IGSF3: variants seen among roughly 807,000 people sequenced by gnomAD.
The protein encoded by IGSF3 is glu-Trp-Ile EWI motif-containing protein 3.
In IGSF3, 23 loss-of-function variants were observed where a neutral mutation model predicts 114.4. The observed-to-expected ratio is 0.20, with a 90% CI of 0.14 to 0.28. The LOEUF (loss-of-function observed/expected upper bound fraction) is 0.28. IGSF3 is among the 10% of genes least tolerant of loss of function. The pLI, the probability that IGSF3 is intolerant of heterozygous loss-of-function variation, is 1.00. For synonymous variants in IGSF3, 571 were observed against 645.2 expected, an observed-to-expected ratio of 0.88 and a Z score of 1.74; for missense variants, 1,172 against 1,591.5, an observed-to-expected ratio of 0.74 and a Z score of 4.48.
At chr1:116,623,864 T>A (rs1457288258) in intron 2 of IGSF3, among the ~76,000 whole-genome samples, 3 of 150,764 alleles carry the variant, frequency 2.0e-5, no homozygotes, top group Non-Finnish European at 4.4e-5. Context: ...GGCAGGTGGA[T>A]CACCTGAGGT....
At position 116,666,790 on chromosome 1, in the gene IGSF3, C is replaced by G. The variant is rs2101096920; in HGVS notation, c.-464G>C. The G allele has an allele frequency of 2.4e-6, 1 of 413,250 alleles. No individual in the cohort carries two copies. The highest frequency in any genetic ancestry group is 4.3e-6 in the Non-Finnish European group (1 of 234,576). The allele number at this position is 413,250 out of a possible 1,614,324, so 25.6% of individuals were successfully genotyped here. ...AGGTTTCGTCAAAACCTTTGACGGC[C>G]AAATCACCCTGCCTGGCATCAACCG... On this transcript the variant is annotated 5_prime_UTR_variant, in exon 2 of 11. Transcript: ENST00000369486.
rs542854542 is a variant in IGSF3 at position 116,636,062 on chromosome 1, C to T, written c.44-19605G>A. Among the ~76,000 whole-genome samples, 2 of 152,296 alleles carry T rather than the reference C, an allele frequency of 1.3e-5. No individual in the cohort carries two copies. Among genetic ancestry groups the T allele is most frequent in the African/African-American group, 4.8e-5 (2 of 41,588 alleles). On this transcript the variant is annotated intron_variant, in intron 2 of 10. Transcript: ENST00000369486. This position sits in a 1 kb window ranked among gnomAD's most constrained non-coding sequence, Gnocchi z 4.5. The stretch of plus-strand genomic sequence containing the variant: ...CCCTTTCCCAGTACACCTCCACTCG[C>T]CAGAACAACTGTCTTCCTCACAGGT...
rs1660245278 is a variant in IGSF3 at position 116,594,235 on chromosome 1, G to A, written c.2030-5131C>T. 6.6e-6 allele frequency among the ~76,000 whole-genome samples: 1 copy of A among 152,152 alleles called. No homozygotes were observed. The highest frequency in any genetic ancestry group is 2.1e-4 in the South Asian group (1 of 4,824). On this transcript the variant is annotated intron_variant, in intron 7 of 10. Transcript: ENST00000369486. This position sits in a 1 kb window ranked among gnomAD's most constrained non-coding sequence, Gnocchi z 5.2. ...CTGTGCCTCCTAGCATAGCTGTCCTGAGCATTTACGCACTGAAACTCATTA... is the reference window on the plus strand; with the variant it reads ...CTGTGCCTCCTAGCATAGCTGTCCTAAGCATTTACGCACTGAAACTCATTA...
chr1:116,654,639 C>T lies in IGSF3; in HGVS notation c.43+11645G>A, dbSNP rs1335233475. ...GGCCTTATACTCACCACCCCCCATA[C>T]GAGGCTCCTCTGGTATGGACGGTGT... On this transcript the variant is annotated intron_variant, in intron 2 of 10. Coordinates refer to ENST00000369486, the MANE Select transcript of IGSF3 (RefSeq NM_001007237.3). This position sits in a 1 kb window ranked among gnomAD's most constrained non-coding sequence, Gnocchi z 4.4. Among the ~76,000 whole-genome samples, 1 of 152,132 alleles carries T rather than the reference C, an allele frequency of 6.6e-6. No homozygotes were observed. The highest frequency in any genetic ancestry group is 1.5e-5 in the Non-Finnish European group (1 of 68,024).
At chr1:116,580,641 A>ACCAGAACATGGTCAGG (rs1468576887) in intron 9 of IGSF3, among the ~76,000 whole-genome samples, 1 of 152,392 alleles carries the variant, frequency 6.6e-6, no homozygotes, top group East Asian at 1.9e-4. Flanking sequence ...ACCAGAACTT[A>ACCAGAACATGGTCAGG]GCCATGCTGG....
At position 116,579,634 on chromosome 1, in the gene IGSF3, G is replaced by A. The variant is rs144841551; in HGVS notation, c.3092C>T (p.Thr1031Met). 2.4e-5 allele frequency: 38 copies of A among 1,613,460 alleles called. No individual in the cohort carries two copies. The African/African-American group carries it at 3.3e-4, about 14-fold the overall frequency. Residue 1031 changes from threonine (T) to methionine (M), a missense_variant, in exon 10 of 11, where the codon ACG (threonine) becomes ATG (methionine). By Grantham distance (81) the Thr-to-Met change is moderately conservative. Around this residue, in one of 3 missense-constraint regions of IGSF3, gnomAD observed 423 missense variants for 509.8 expected, o/e 0.83. Coordinates refer to ENST00000369486, the MANE Select transcript of IGSF3 (RefSeq NM_001007237.3). The surrounding 1 kb of genome is among the most constrained non-coding windows in gnomAD (Gnocchi z 6.4). ...ATCTGGGCCCACGCTCAGCAGGGCC[G>A]TCCGCTCTGTTGGGTCGTCGTCGTC... is the stretch of plus-strand genomic sequence containing the variant. The part of the protein sequence containing the change: ...DDDDDDPTER[T>M]ALLSVGPDAV...
Position 116,654,579 on chromosome 1 carries a change from G to A in IGSF3, c.43+11705C>T, listed in dbSNP as rs1468204402. Among the ~76,000 whole-genome samples, 2 of 152,174 alleles carry A rather than the reference G, an allele frequency of 1.3e-5. No homozygotes were observed. The highest frequency in any genetic ancestry group is 2.9e-5 in the Non-Finnish European group (2 of 68,020). Reference sequence around the variant, plus strand: ...AGGGCGCCCTCAGGGAGGCCACACTGCAGGAGGCAAAGTATGAGGTGGGGA... The same window carrying A: ...AGGGCGCCCTCAGGGAGGCCACACTACAGGAGGCAAAGTATGAGGTGGGGA... On this transcript the variant is annotated intron_variant, in intron 2 of 10. Coordinates refer to ENST00000369486, the MANE Select transcript of IGSF3 (RefSeq NM_001007237.3). The surrounding 1 kb of genome is among the most constrained non-coding windows in gnomAD (Gnocchi z 4.4).
chr1:116,611,231 C>T (rs1422731903), intron 4 of IGSF3, among the ~76,000 whole-genome samples: 1 of 152,220 alleles, frequency 6.6e-6, no homozygotes. Context: ...TCTACCTCCT[C>T]TCCAACTGTC....
chr1:116,631,977 C>G (rs562332007), intron 2 of IGSF3, among the ~76,000 whole-genome samples: 1 of 152,292 alleles, frequency 6.6e-6, no homozygotes, highest in Non-Finnish European at 1.5e-5. Flanking sequence ...CCTATAACTC[C>G]CAAATAAGCT....
At position 116,603,965 on chromosome 1, in the gene IGSF3, A is replaced by T; in HGVS notation, c.1283T>A (p.Leu428Gln). The change falls in exon 6 of 11, where the codon CTG becomes CAG. Residue 428 changes from leucine to glutamine, a missense_variant. By Grantham distance (113) the Leu-to-Gln change is moderately radical. Around this residue, in one of 3 missense-constraint regions of IGSF3, gnomAD observed 736 missense variants for 1,042.0 expected, o/e 0.71. Coordinates refer to ENST00000369486, the MANE Select transcript of IGSF3 (RefSeq NM_001007237.3). This position sits in a 1 kb window ranked among gnomAD's most constrained non-coding sequence, Gnocchi z 7.1. ...CGTGCGGACACTGCAGGAGAAGCGCAGGTCCTCGCCCTCAAGGATGACGCT... is the reference window on the plus strand; with the variant it reads ...CGTGCGGACACTGCAGGAGAAGCGCTGGTCCTCGCCCTCAAGGATGACGCT... ...NASVILEGED[L>Q]RFSCSVRTAG... 1 of 1,613,240 alleles carries T rather than the reference A, an allele frequency of 6.2e-7. No individual in the cohort carries two copies.
intron 2 of IGSF3, among the ~76,000 whole-genome samples, chr1:116,619,719 CCT>C (rs1486187002): frequency 6.6e-6 from 1 of 152,050 alleles, no homozygotes; most frequent in African/African-American, 2.4e-5. Context: ...ACCCACAGCC[CCT>C]CTCTCTCCCC....
rs563010322 is a variant in IGSF3, at chr1:116,662,709, A to C, written c.43+3575T>G. Among the ~76,000 whole-genome samples, 1 of 152,084 alleles carries C rather than the reference A, an allele frequency of 6.6e-6. No homozygotes were observed. The highest frequency in any genetic ancestry group is 2.1e-4 in the South Asian group (1 of 4,814). On this transcript the variant is annotated intron_variant, in intron 2 of 10. Transcript: ENST00000369486. This position sits in a 1 kb window ranked among gnomAD's most constrained non-coding sequence, Gnocchi z 4.3. ...TGTCAAATGGTCCCCAGGAAAGGGAAGTGCACTACCTCTGGGACAACTATT... is the reference window on the plus strand; with the variant it reads ...TGTCAAATGGTCCCCAGGAAAGGGACGTGCACTACCTCTGGGACAACTATT...
Position 116,634,228 on chromosome 1 carries a change from A to C in IGSF3, c.44-17771T>G, listed in dbSNP as rs1168188136. On this transcript the variant is annotated intron_variant, in intron 2 of 10. Coordinates refer to ENST00000369486, the MANE Select transcript of IGSF3 (RefSeq NM_001007237.3). This position sits in a 1 kb window ranked among gnomAD's most constrained non-coding sequence, Gnocchi z 4.2. ...GTAAAAACACATGCCACGACAAGGC[A>C]AAATGAGGAGACAGTATAAAAAAGA... Among the ~76,000 whole-genome samples the C allele has an allele frequency of 6.6e-6, 1 of 152,276 alleles. No homozygotes were observed. Among genetic ancestry groups the C allele is most frequent in the Non-Finnish European group, 1.5e-5 (1 of 68,050 alleles).
In IGSF3 at chr1:116,623,112, T is replaced by TTACCTG. The variant is rs1355113453; in HGVS notation, c.44-6656_44-6655insCAGGTA. ...TTCTGGGGATTCTTACCTGTCAGCC[T>TTACCTG]TCGGCCAAGGAAGGACAGGAAGTGG... On this transcript the variant is annotated intron_variant, in intron 2 of 10. Coordinates refer to ENST00000369486, the MANE Select transcript of IGSF3 (RefSeq NM_001007237.3). Among the ~76,000 whole-genome samples, 9 of 152,350 alleles carry TTACCTG rather than the reference T, an allele frequency of 5.9e-5. No individual in the cohort carries two copies. In the East Asian group the frequency reaches 1.5e-3, roughly 26 times the overall value.
Position 116,665,078 on chromosome 1 carries a change from T to C in IGSF3, c.43+1206A>G, listed in dbSNP as rs1287878360. On this transcript the variant is annotated intron_variant, in intron 2 of 10. Coordinates refer to ENST00000369486, the MANE Select transcript of IGSF3 (RefSeq NM_001007237.3). This position sits in a 1 kb window ranked among gnomAD's most constrained non-coding sequence, Gnocchi z 4.0. ...GTCAAGGCATTTAGGACACCTTATA[T>C]CCTTTAGTTATCACACCTTCCCTTG... Among the ~76,000 whole-genome samples, 3 of 152,270 alleles carry C rather than the reference T, an allele frequency of 2.0e-5. No homozygotes were observed. The highest frequency in any genetic ancestry group is 7.2e-5 in the African/African-American group (3 of 41,470).
intron 2 of IGSF3, among the ~76,000 whole-genome samples, chr1:116,663,647 A>G (rs1385288223): frequency 1.3e-5 from 2 of 152,138 alleles, no homozygotes; most frequent in East Asian, 3.9e-4. Context: ...AACAGACAGA[A>G]AAGAGGAATC....
chr1:116,625,144 G>T lies in IGSF3; in HGVS notation c.44-8687C>A, dbSNP rs1314159480. On this transcript the variant is annotated intron_variant, in intron 2 of 10. Coordinates refer to ENST00000369486, the MANE Select transcript of IGSF3 (RefSeq NM_001007237.3). The surrounding 1 kb of genome is among the most constrained non-coding windows in gnomAD (Gnocchi z 4.7). The stretch of plus-strand genomic sequence containing the variant: ...ATGGCTTCAATCAACATTTTTTTCA[G>T]TACCTATTATGATGGATACTAGGAC... Among the ~76,000 whole-genome samples, 1 of 152,206 alleles carries T rather than the reference G, an allele frequency of 6.6e-6. No individual in the cohort carries two copies. Among genetic ancestry groups the T allele is most frequent in the Non-Finnish European group, 1.5e-5 (1 of 68,044 alleles).
At position 116,633,703 on chromosome 1, in the gene IGSF3, T is replaced by A. The variant is rs1364147465; in HGVS notation, c.44-17246A>T. Reference sequence around the variant, plus strand: ...TCTTGTCTACTAAACTCTCTGTGCCTTAGAACCAAAAATAAAAAATAAAAA... The same window carrying A: ...TCTTGTCTACTAAACTCTCTGTGCCATAGAACCAAAAATAAAAAATAAAAA... On this transcript the variant is annotated intron_variant, in intron 2 of 10. Transcript: ENST00000369486. This position sits in a 1 kb window ranked among gnomAD's most constrained non-coding sequence, Gnocchi z 4.3. Among the ~76,000 whole-genome samples the A allele has an allele frequency of 6.6e-6, 1 of 152,170 alleles. No individual in the cohort carries two copies. Among genetic ancestry groups the A allele is most frequent in the Admixed American group, 6.5e-5 (1 of 15,290 alleles).
chr1:116,621,322 T>G (rs1196682364), intron 2 of IGSF3, among the ~76,000 whole-genome samples: 4 of 152,124 alleles, frequency 2.6e-5, no homozygotes, highest in Non-Finnish European at 5.9e-5. Context: ...CTCATGTATT[T>G]ATAGCAATGT....
Sources: gnomAD v4.1 joint callset for allele counts (sites outside exome capture counted in the v4.1 genomes callset) on GRCh38, gnomAD v4.1.1 for gene constraint, gnomAD v4.1.1 regional missense constraint, Gnocchi (gnomAD v3.1) non-coding constraint, MANE v1.5 for transcripts, NCBI Gene and HGNC (gene_info 2026-07-23, HGNC 2026-07-21) for gene names.